Variants in ANO6 observed in about 807,000 individuals in gnomAD.
ANO6 encodes anoctamin-6.
In ANO6, 106 loss-of-function variants were observed where a neutral mutation model predicts 117.5. The ratio of observed to expected loss-of-function variants is 0.90; its 90% CI spans 0.77 to 1.06. The LOEUF (loss-of-function observed/expected upper bound fraction) is 1.06, where lower values mean the gene tolerates loss of function less well. Among genes scored for constraint, ANO6 ranks in the 50% least tolerant of loss-of-function variants. The pLI is 0.00. For synonymous variants in ANO6, 367 were observed against 385.1 expected (o/e 0.95, Z 0.55); for missense variants, 955 against 1,121.1 (o/e 0.85, Z 2.12).
chr12:45,358,946 G>T (rs1031289222), intron 8 of ANO6, among the ~76,000 whole-genome samples: 1 of 152,024 alleles, frequency 6.6e-6, no homozygotes, highest in African/African-American at 2.4e-5. Context: ...ACCACACCCG[G>T]CTAATTTTTG....
At position 45,374,858 on chromosome 12, in the gene ANO6, A is replaced by G. The variant is rs530366578; in HGVS notation, c.1105-3195A>G. ...AGTGTTGGAAGTTCTGGCCAGGGCA[A>G]TTTGGCAGGAGAAAGAAATAAAGGG... On this transcript the variant is annotated intron_variant, in intron 9 of 19. Transcript: ENST00000320560. Among the ~76,000 whole-genome samples the G allele has an allele frequency of 3.9e-5, 6 of 152,304 alleles. No homozygotes were observed. In the South Asian group the frequency reaches 6.2e-4, roughly 16 times the overall value.
intron 12 of ANO6, among the ~76,000 whole-genome samples, chr12:45,392,922 T>G (rs553931222): frequency 6.6e-6 from 1 of 152,254 alleles, no homozygotes; most frequent in East Asian, 1.9e-4. Flanking sequence ...ATTATAAAAA[T>G]CAGAGCATCT....
intron 8 of ANO6, among the ~76,000 whole-genome samples, chr12:45,359,955 A>G (rs1251285463): frequency 1.3e-5 from 2 of 152,220 alleles, no homozygotes; most frequent in Non-Finnish European, 2.9e-5. Context: ...AAAAATTGCC[A>G]TTCTAGTTGG....
At chr12:45,332,307 C>G in intron 3 of ANO6, among the ~76,000 whole-genome samples, 1 of 110,730 alleles carries the variant, frequency 9.0e-6, no homozygotes, top group East Asian at 6.0e-4. Flanking sequence ...CTCTCTCTCT[C>G]TCTCACACAC....
intron 19 of ANO6, among the ~76,000 whole-genome samples, chr12:45,438,337 G>A (rs1943732378): frequency 6.6e-6 from 1 of 151,958 alleles, no homozygotes; most frequent in South Asian, 2.1e-4. Context: ...CTGTTTTCCT[G>A]GAAATCCTGG....
At chr12:45,270,405 C>G (rs1227734007) in intron 1 of ANO6, 6 of 1,507,766 alleles carry the variant, frequency 4.0e-6, no homozygotes, top group Non-Finnish European at 5.3e-6. Context: ...TGTCTGCAGC[C>G]TAACACCATC....
chr12:45,438,905 T>C (rs188929231), intron 19 of ANO6, among the ~76,000 whole-genome samples: 143 of 151,244 alleles, frequency 9.5e-4, no homozygotes, highest in Admixed American at 2.0e-3. Flanking sequence ...TCAGTATTTA[T>C]AGCACACTTG....
intron 2 of ANO6, among the ~76,000 whole-genome samples, chr12:45,305,131 A>C (rs1430904646): frequency 6.6e-6 from 1 of 152,178 alleles, no homozygotes; most frequent in Admixed American, 6.6e-5. Flanking sequence ...CATAAGGTGC[A>C]TGTGTTCTTG....
At chr12:45,286,550 A>C (rs967090386) in intron 1 of ANO6, among the ~76,000 whole-genome samples, 2 of 152,220 alleles carry the variant, frequency 1.3e-5, no homozygotes, top group Admixed American at 1.3e-4. Context: ...TATTAGACCA[A>C]ATTTACATAT....
chr12:45,295,889 GTCTC>G (rs978877625), intron 1 of ANO6, among the ~76,000 whole-genome samples: 2 of 151,718 alleles, frequency 1.3e-5, no homozygotes, highest in African/African-American at 4.9e-5. Flanking sequence ...TTGAAACAGA[GTCTC>G]TGTCACTCAG....
chr12:45,414,403 T>C (rs1475233714), intron 16 of ANO6, among the ~76,000 whole-genome samples: 2 of 152,154 alleles, frequency 1.3e-5, no homozygotes, highest in African/African-American at 4.8e-5. Context: ...ATATAATATT[T>C]TTAATCCATC....
intron 1 of ANO6, among the ~76,000 whole-genome samples, chr12:45,295,267 C>T (rs1939249738): frequency 6.6e-6 from 1 of 152,234 alleles, no homozygotes; most frequent in African/African-American, 2.4e-5. Flanking sequence ...GGCCTATACT[C>T]TGCAAGCCTA....
chr12:45,235,753 G>A (rs1003949387), intron 1 of ANO6, among the ~76,000 whole-genome samples: 2 of 152,206 alleles, frequency 1.3e-5, no homozygotes, highest in African/African-American at 2.4e-5. Context: ...TGTACCAGGA[G>A]TCCAAAAAGT....
At chr12:45,265,021 A>G (rs1307280414) in intron 1 of ANO6, among the ~76,000 whole-genome samples, 1 of 152,182 alleles carries the variant, frequency 6.6e-6, no homozygotes, top group Non-Finnish European at 1.5e-5. Flanking sequence ...TTATGAGTGA[A>G]AGGAGCAATT....
chr12:45,384,064 C>A (rs79203840), intron 10 of ANO6, among the ~76,000 whole-genome samples: 213 of 152,346 alleles, frequency 1.4e-3, no homozygotes, highest in South Asian at 2.9e-3. Flanking sequence ...GAATAACTTG[C>A]TGCCAGTTAG....
chr12:45,433,223 G>A (rs1316694293), downstream of ANO6, among the ~76,000 whole-genome samples: 1 of 152,212 alleles, frequency 6.6e-6, no homozygotes, highest in East Asian at 1.9e-4. Context: ...CATAGCGGAA[G>A]CCTTCCCACT....
At chr12:45,288,233 A>G (rs929060348) in intron 1 of ANO6, among the ~76,000 whole-genome samples, 3 of 152,214 alleles carry the variant, frequency 2.0e-5, no homozygotes, top group Admixed American at 2.0e-4. Context: ...TGGTGGTGCA[A>G]TACACATAAT....
At chr12:45,373,555 A>G (rs1007097058) in intron 9 of ANO6, among the ~76,000 whole-genome samples, 1 of 152,178 alleles carries the variant, frequency 6.6e-6, no homozygotes, top group Non-Finnish European at 1.5e-5. Context: ...GGATTAAGAA[A>G]CTCACTCAAA....
intron 2 of ANO6, among the ~76,000 whole-genome samples, chr12:45,307,379 A>G (rs1157066439): frequency 2.0e-5 from 3 of 152,158 alleles, no homozygotes; most frequent in South Asian, 2.1e-4. Flanking sequence ...GGTAGAAGCA[A>G]TAGAATTTGT....
Sources: gnomAD v4.1 joint callset for allele counts (sites outside exome capture counted in the v4.1 genomes callset) on GRCh38, gnomAD v4.1.1 for gene constraint, MANE v1.5 for transcripts, NCBI Gene and HGNC (gene_info 2026-07-23, HGNC 2026-07-21) for gene names.